TBCK: variants seen among roughly 807,000 people sequenced by gnomAD.
TBCK encodes the protein TBC domain-containing protein kinase-like protein.
In TBCK, 99 loss-of-function variants were observed where a neutral mutation model predicts 113.4. The ratio of observed to expected loss-of-function variants is 0.87; its 90% confidence interval spans 0.74 to 1.03. The LOEUF (loss-of-function observed/expected upper bound fraction) is 1.03, where lower values mean the gene tolerates loss of function less well. Ranked by LOEUF, TBCK falls within the 50% of genes least tolerant of loss-of-function variation. The probability of loss-of-function intolerance (pLI) is 0.00; values close to 1 mark genes in which losing one functional copy is unlikely to be tolerated. For missense variants in TBCK, 1,045 were observed against 1,061.3 expected (o/e 0.98, Z 0.21); for synonymous variants, 369 against 370.8 (o/e 1.00, Z 0.05).
At chr4:106,151,509 C>T (rs1288561896) in intron 23 of TBCK, among the ~76,000 whole-genome samples, 1 of 152,008 alleles carries the variant, frequency 6.6e-6, no homozygotes, top group Non-Finnish European at 1.5e-5. Flanking sequence ...TAATGTCCTC[C>T]AGTTCCATCT....
At chr4:106,281,345 G>A (rs1307983625) in intron 3 of TBCK, among the ~76,000 whole-genome samples, 5 of 151,362 alleles carry the variant, frequency 3.3e-5, no homozygotes, top group African/African-American at 4.9e-5. Context: ...CCAAATATAA[G>A]ATCATATTAT....
At chr4:106,154,342 T>C (rs2149689402) in intron 23 of TBCK, among the ~76,000 whole-genome samples, 1 of 152,254 alleles carries the variant, frequency 6.6e-6, no homozygotes, top group African/African-American at 2.4e-5. Flanking sequence ...AAAAGAAAAT[T>C]AAAACTCTAC....
intron 24 of TBCK, among the ~76,000 whole-genome samples, chr4:106,104,165 A>G (rs1741872764): frequency 6.6e-6 from 1 of 152,194 alleles, no homozygotes; most frequent in African/African-American, 2.4e-5. Flanking sequence ...GGCAAAGTAG[A>G]AGGTTAGACT....
At chr4:106,266,429 A>G (rs1222156361) in intron 3 of TBCK, among the ~76,000 whole-genome samples, 1 of 151,872 alleles carries the variant, frequency 6.6e-6, no homozygotes, top group Non-Finnish European at 1.5e-5. Flanking sequence ...TCATGAAATT[A>G]AAGCCAAACC....
intron 25 of TBCK, among the ~76,000 whole-genome samples, chr4:106,076,255 GATT>G (rs2149485067): frequency 6.6e-6 from 1 of 152,220 alleles, no homozygotes; most frequent in Non-Finnish European, 1.5e-5. Context: ...CCATGACTGG[GATT>G]ATTACCATTT....
intron 25 of TBCK, among the ~76,000 whole-genome samples, chr4:106,069,704 G>A (rs1737132918): frequency 6.6e-6 from 1 of 152,166 alleles, no homozygotes; most frequent in African/African-American, 2.4e-5. Context: ...GTTTGATGGG[G>A]ATGGCATTGA....
At chr4:106,179,238 TTTCA>T (rs1752047637) in intron 22 of TBCK, among the ~76,000 whole-genome samples, 1 of 152,004 alleles carries the variant, frequency 6.6e-6, no homozygotes, top group Non-Finnish European at 1.5e-5. Context: ...TTAGCCTGAA[TTTCA>T]TTCGTTTTTA....
At chr4:106,112,067 A>C (rs1236993514) in intron 24 of TBCK, among the ~76,000 whole-genome samples, 1 of 152,080 alleles carries the variant, frequency 6.6e-6, no homozygotes, top group Non-Finnish European at 1.5e-5. Flanking sequence ...TTTCCCACTA[A>C]ACACTCCCCT....
chr4:106,307,356 T>C (rs1010184395), intron 2 of TBCK, among the ~76,000 whole-genome samples: 3 of 152,130 alleles, frequency 2.0e-5, no homozygotes, highest in Non-Finnish European at 4.4e-5. Context: ...AAATATGTAA[T>C]TAAAATATGT....
intron 20 of TBCK, among the ~76,000 whole-genome samples, chr4:106,202,251 ATATTT>A (rs1754975132): frequency 6.6e-6 from 1 of 151,946 alleles, no homozygotes; most frequent in Admixed American, 6.6e-5. Context: ...ACTGTATAAA[ATATTT>A]TATTTATCAG....
chr4:106,198,236 A>T (rs2149831138), intron 20 of TBCK, among the ~76,000 whole-genome samples: 1 of 152,272 alleles, frequency 6.6e-6, no homozygotes, highest in East Asian at 1.9e-4. Flanking sequence ...TCGTTTTTGA[A>T]ATAGGAAAAC....
At chr4:106,265,909 T>G (rs1359658693) in intron 3 of TBCK, among the ~76,000 whole-genome samples, 1 of 151,834 alleles carries the variant, frequency 6.6e-6, no homozygotes, top group African/African-American at 2.4e-5. Flanking sequence ...CAATGAGGGT[T>G]ACTATTTATA....
chr4:106,303,064 C>T (rs1180632698), intron 2 of TBCK, among the ~76,000 whole-genome samples: 1 of 152,104 alleles, frequency 6.6e-6, no homozygotes, highest in Non-Finnish European at 1.5e-5. Context: ...AAAAGCACCC[C>T]TCCCCCTAGA....
At chr4:106,101,471 T>C (rs1456423123) in intron 24 of TBCK, among the ~76,000 whole-genome samples, 1 of 152,224 alleles carries the variant, frequency 6.6e-6, no homozygotes, top group Non-Finnish European at 1.5e-5. Context: ...CTCATGAGTA[T>C]CTTTAAATTG....
intron 23 of TBCK, among the ~76,000 whole-genome samples, chr4:106,151,932 C>T (rs1748541467): frequency 1.3e-5 from 2 of 151,872 alleles, no homozygotes; most frequent in African/African-American, 4.8e-5. Flanking sequence ...ATATATGTTG[C>T]TTTTTACCCT....
intron 23 of TBCK, among the ~76,000 whole-genome samples, chr4:106,155,760 T>G (rs1219221233): frequency 6.6e-6 from 1 of 152,114 alleles, no homozygotes; most frequent in African/African-American, 2.4e-5. Flanking sequence ...CTTATGAAAT[T>G]TATCTGGTAG....
intron 19 of TBCK, among the ~76,000 whole-genome samples, chr4:106,229,780 T>C (rs867986038): frequency 5.9e-5 from 9 of 151,784 alleles, no homozygotes; most frequent in Admixed American, 3.3e-4. Context: ...TAAATCTGCG[T>C]ATTTTTAACT....
intron 19 of TBCK, among the ~76,000 whole-genome samples, chr4:106,216,695 T>A (rs1205139068): frequency 6.6e-6 from 1 of 152,056 alleles, no homozygotes; most frequent in Non-Finnish European, 1.5e-5. Context: ...AATAGACCAA[T>A]AACAGGATCT....
intron 23 of TBCK, among the ~76,000 whole-genome samples, chr4:106,158,790 T>C (rs193194719): frequency 2.7e-4 from 41 of 152,262 alleles, no homozygotes; most frequent in Admixed American, 1.7e-3. Flanking sequence ...TCCTAACTCA[T>C]TGTGTAAGCC....
Sources: allele counts gnomAD v4.1 joint callset (sites outside exome capture counted in the v4.1 genomes callset), GRCh38; gene constraint gnomAD v4.1.1; transcripts MANE v1.5; gene names NCBI Gene and HGNC (gene_info 2026-07-23, HGNC 2026-07-21).